CNOT2: variants seen among roughly 807,000 people sequenced by gnomAD.
CNOT2 encodes the protein CCR4-NOT transcription complex subunit 2.
A neutral mutation model predicts 72.1 loss-of-function variants in CNOT2; 7 were observed. That is an observed-to-expected ratio of 0.10 (90% CI 0.06 to 0.18). CNOT2 has a LOEUF of 0.18. Ranked by LOEUF, CNOT2 falls within the 10% of genes least tolerant of loss-of-function variation. CNOT2 has a pLI of 1.00. For missense variants in CNOT2, 345 were observed against 660.3 expected (o/e 0.52, Z 5.23); for synonymous variants, 196 against 225.6 (o/e 0.87, Z 1.17).
chr12:70,353,230 G>A (rs112788335), intron 15 of CNOT2, among the ~76,000 whole-genome samples: 22,093 of 151,484 alleles, frequency 0.15, 1,949 homozygotes, highest in Admixed American at 0.28. Flanking sequence ...GCACCACTAC[G>A]CCCAGCTAAT....
At chr12:70,308,008 G>A (rs1875743165) in intron 2 of CNOT2, 1 of 151,970 alleles carries the variant, frequency 6.6e-6, no homozygotes, top group Admixed American at 6.6e-5. Flanking sequence ...CTCTCGAGGT[G>A]TACTATATGG....
At chr12:70,244,352 A>T (rs1263537511) in intron 1 of CNOT2, 1 of 152,160 alleles carries the variant, frequency 6.6e-6, no homozygotes, top group African/African-American at 2.4e-5. Context: ...TTAACAGAAG[A>T]AAAGAGTAGG....
intron 1 of CNOT2, among the ~76,000 whole-genome samples, chr12:70,261,305 CTTTTTTTTTTT>C (rs71437141): frequency 1.8e-4 from 8 of 43,340 alleles, no homozygotes; most frequent in South Asian, 1.4e-3. Flanking sequence ...TTCTTTCTTT[CTTTTTTTTTTT>C]TTTTTTTTTT....
At chr12:70,254,943 T>C (rs1958350686) in intron 1 of CNOT2, among the ~76,000 whole-genome samples, 1 of 143,702 alleles carries the variant, frequency 7.0e-6, no homozygotes, top group Admixed American at 7.4e-5. Flanking sequence ...ATCATGCCAG[T>C]GTACACCAGC....
intron 2 of CNOT2, among the ~76,000 whole-genome samples, chr12:70,292,492 A>T (rs1167079453): frequency 2.0e-5 from 3 of 152,206 alleles, no homozygotes; most frequent in Non-Finnish European, 4.4e-5. Flanking sequence ...AGCCATCTGG[A>T]TGTCTAGAGG....
At chr12:70,281,272 A>G (rs1565761887) in intron 2 of CNOT2, among the ~76,000 whole-genome samples, 1 of 151,950 alleles carries the variant, frequency 6.6e-6, no homozygotes, top group African/African-American at 2.4e-5. Context: ...TTTAGTAGAG[A>G]TGGAGTTTCA....
chr12:70,350,445 G>A (rs1882730712), intron 15 of CNOT2, among the ~76,000 whole-genome samples: 1 of 152,054 alleles, frequency 6.6e-6, no homozygotes, highest in Non-Finnish European at 1.5e-5. Flanking sequence ...ATTTAAGATA[G>A]TTTGCTACTT....
At chr12:70,330,215 A>G (rs140742084) in intron 5 of CNOT2, 72 bp from the exon 6 acceptor site, 15 of 689,462 alleles carry the variant, frequency 2.2e-5, no homozygotes, top group Non-Finnish European at 3.2e-5. Context: ...GGTTGGACCA[A>G]TTGATTATTT....
chr12:70,303,223 G>A (rs1468394549), intron 2 of CNOT2, among the ~76,000 whole-genome samples: 1 of 152,148 alleles, frequency 6.6e-6, no homozygotes, highest in Non-Finnish European at 1.5e-5. Context: ...CACATTTAAG[G>A]TTAGTATTGT....
At chr12:70,344,252 C>T (rs367716358) in intron 14 of CNOT2, 24 bp downstream of exon 14, 113 of 1,436,352 alleles carry the variant, frequency 7.9e-5, no homozygotes, top group Non-Finnish European at 1.0e-4. Context: ...ATTTTAATCA[C>T]TTTTGTATTA....
intron 1 of CNOT2, chr12:70,244,213 A>C (rs998661636): frequency 6.6e-6 from 1 of 152,162 alleles, no homozygotes; most frequent in Non-Finnish European, 1.5e-5. Flanking sequence ...AGTGTCGTAG[A>C]CTGAGTCCGG....
upstream of CNOT2, chr12:70,243,061 C>A (rs998552541): frequency 1.3e-5 from 2 of 152,574 alleles, no homozygotes; most frequent in African/African-American, 4.8e-5. Flanking sequence ...CTGAAGCCAC[C>A]TCACCATTCA....
intron 2 of CNOT2, chr12:70,297,737 T>C (rs991830878): frequency 3.8e-5 from 14 of 371,640 alleles, no homozygotes; most frequent in Non-Finnish European, 6.3e-5. Flanking sequence ...GATAATAATT[T>C]TTTTTTGTTT....
intron 1 of CNOT2, among the ~76,000 whole-genome samples, chr12:70,259,793 CTTTATCA>C (rs1334847283): frequency 6.6e-6 from 1 of 152,118 alleles, no homozygotes; most frequent in Non-Finnish European, 1.5e-5. Flanking sequence ...TGCCGCTTTC[CTTTATCA>C]TGAGACTGCT....
At chr12:70,340,456 T>C (rs939672352) in intron 11 of CNOT2, among the ~76,000 whole-genome samples, 1 of 152,172 alleles carries the variant, frequency 6.6e-6, no homozygotes, top group Non-Finnish European at 1.5e-5. Context: ...CCCAAACATA[T>C]GTTTCCATTC....
At chr12:70,268,257 CT>C (rs1158609595) in intron 1 of CNOT2, among the ~76,000 whole-genome samples, 1 of 152,108 alleles carries the variant, frequency 6.6e-6, no homozygotes, top group Non-Finnish European at 1.5e-5. Context: ...GGACAGTTCT[CT>C]CGGTAGCAAT....
chr12:70,296,543 A>G (rs1193737861), intron 2 of CNOT2, among the ~76,000 whole-genome samples: 5 of 152,110 alleles, frequency 3.3e-5, no homozygotes, highest in Middle Eastern at 3.4e-3. Flanking sequence ...CTTTTCTTAG[A>G]TCCATCCTAA....
intron 3 of CNOT2, among the ~76,000 whole-genome samples, chr12:70,312,200 T>C (rs572529630): frequency 1.3e-5 from 2 of 152,090 alleles, no homozygotes; most frequent in South Asian, 4.1e-4. Flanking sequence ...AGCTATGTGC[T>C]ATGTAACTTA....
Position 70,268,524 on chromosome 12 carries a change from G to A in CNOT2, c.-95-9608G>A, listed in dbSNP as rs551548685. On this transcript the variant is annotated intron_variant, in intron 1 of 15. Coordinates refer to ENST00000229195, the MANE Select transcript of CNOT2 (RefSeq NM_014515.7). Reference sequence around the variant, plus strand: ...GCAGTGGTGCAGTCAGGGCTCACTTGCAGCCTTGAACTTCTGGGCTCAAGT... The same window carrying A: ...GCAGTGGTGCAGTCAGGGCTCACTTACAGCCTTGAACTTCTGGGCTCAAGT... Among the ~76,000 whole-genome samples, 6 of 152,158 alleles carry A rather than the reference G, an allele frequency of 3.9e-5. No individual in the cohort carries two copies. The East Asian group carries it at 9.7e-4, about 25-fold the overall frequency.
Sources: gnomAD v4.1 joint callset for allele counts (sites outside exome capture counted in the v4.1 genomes callset) on GRCh38, gnomAD v4.1.1 for gene constraint, MANE v1.5 for transcripts, NCBI Gene and HGNC (gene_info 2026-07-23, HGNC 2026-07-21) for gene names.